The following NIPAL4 variants were observed in gnomAD, a reference collection of about 807,000 sequenced individuals.
NIPAL4 encodes magnesium transporter NIPA4.
Under a neutral mutation model 31.6 loss-of-function variants are expected in NIPAL4, and 21 were observed. The observed-to-expected ratio is 0.67, with a 90% CI of 0.47 to 0.96. The LOEUF (loss-of-function observed/expected upper bound fraction) is 0.96, where lower values mean the gene tolerates loss of function less well. NIPAL4 is among the 40% of genes least tolerant of loss of function. The pLI is 0.00. For missense variants in NIPAL4, 438 were observed against 508.0 expected, an observed-to-expected ratio of 0.86 and a Z score of 1.32; for synonymous variants, 175 against 211.1, an observed-to-expected ratio of 0.83 and a Z score of 1.48.
chr5:157,472,731 T>C lies in NIPAL4; in HGVS notation c.986T>C (p.Leu329Pro). ...TCTGCTGTGGACATTGCAGGCACCC[T>C]CTCGGGCTTTGTCACCATCATCTTG... ...SMSAVDIAGT[L>P]SGFVTIILGV... is the part of the protein sequence containing the mutation. The change falls in exon 6 of 6, where the codon CTC (leucine) becomes CCC (proline). Residue 329 changes from leucine to proline, a missense_variant. Transcript: ENST00000311946. 1 of 1,613,892 alleles carries C rather than the reference T, an allele frequency of 6.2e-7. No homozygotes were observed. The highest frequency in any genetic ancestry group is 2.2e-5 in the East Asian group (1 of 44,874).
chr5:157,468,474 A>G (rs1285150863), intron 3 of NIPAL4, among the ~76,000 whole-genome samples: 1 of 152,244 alleles, frequency 6.6e-6, no homozygotes, highest in Non-Finnish European at 1.5e-5. Flanking sequence ...GAGGGCTTCT[A>G]CACCATAAGC....
At chr5:157,463,576 C>G (rs1478574725) in intron 2 of NIPAL4, among the ~76,000 whole-genome samples, 1 of 152,194 alleles carries the variant, frequency 6.6e-6, no homozygotes, top group African/African-American at 2.4e-5. Flanking sequence ...CTGAGACCTT[C>G]ATGATGTGTT....
intron 2 of NIPAL4, among the ~76,000 whole-genome samples, chr5:157,466,367 G>A (rs1435803390): frequency 6.6e-6 from 1 of 152,192 alleles, no homozygotes; most frequent in South Asian, 2.1e-4. Context: ...AAGGATTCTG[G>A]TCTTTATCCT....
chr5:157,467,342 G>C, intron 3 of NIPAL4: 1 of 471,836 alleles, frequency 2.1e-6, no homozygotes, highest in South Asian at 2.1e-5. Context: ...AACCATGAAG[G>C]TGTATTTTCT....
chr5:157,464,079 G>A (rs1414153410), intron 2 of NIPAL4, among the ~76,000 whole-genome samples: 1 of 152,024 alleles, frequency 6.6e-6, no homozygotes, highest in South Asian at 2.1e-4. Flanking sequence ...ATTTTGGAGG[G>A]GTGTGTAAAG....
At position 157,471,637 on chromosome 5, in the gene NIPAL4, T is replaced by A; in HGVS notation, c.426-20T>A. ...ACAGGCATGGCTGCTCTAATCCCCTTCTCCCATTTCCACGTGCAGTGCCAT... is the reference window on the plus strand; with the variant it reads ...ACAGGCATGGCTGCTCTAATCCCCTACTCCCATTTCCACGTGCAGTGCCAT... On this transcript the variant is annotated intron_variant, in intron 4 of 5. Transcript: ENST00000311946. 6.3e-7 allele frequency: 1 copy of A among 1,592,280 alleles called. No individual in the cohort carries two copies.
intron 2 of NIPAL4, among the ~76,000 whole-genome samples, chr5:157,466,577 G>A (rs182395397): frequency 4.1e-4 from 63 of 152,334 alleles, no homozygotes; most frequent in South Asian, 3.3e-3. Context: ...GGTGGCAGCG[G>A]AGTGGACACA....
Position 157,471,758 on chromosome 5 carries a change from C to T in NIPAL4, c.527C>T (p.Ala176Val), listed in dbSNP as rs964360639. 1.1e-5 allele frequency: 17 copies of T among 1,603,218 alleles called. No homozygotes were observed. The highest frequency in any genetic ancestry group is 1.4e-5 in the Non-Finnish European group (17 of 1,174,614). Residue 176 changes from alanine (A) to valine (V), a missense_variant, in exon 5 of 6, where the codon GCT (alanine) becomes GTT (valine). Physicochemically the swap from Ala to Val is moderately conservative, Grantham distance 64. Coordinates refer to ENST00000311946, the MANE Select transcript of NIPAL4 (RefSeq NM_001099287.2). ...GGAAGCACAGTGATGGTGATACATG[C>T]TCCTGAGGAAGAGAAGGTCACTACC... ...VAGSTVMVIH[A>V]PEEEKVTTIM... is the part of the protein sequence containing the mutation.
rs1754450770 is a variant in NIPAL4, at chr5:157,471,874, AC to A, written c.586+61del. 4.3e-6 allele frequency: 6 copies of A among 1,380,398 alleles called. No individual in the cohort carries two copies. In the Admixed American group the frequency reaches 1.2e-4, roughly 27 times the overall value. The allele number at this position is 1,380,398 out of a possible 1,614,324, so 85.5% of individuals were successfully genotyped here. ...TACTGGAGGTTGAACACCCCCTACT[AC>A]CCCACAAAAGGTCAGGTTGGGTTCT... On this transcript the variant is annotated intron_variant, in intron 5 of 5. Transcript: ENST00000311946.
At chr5:157,461,442 T>C (rs921798392) in intron 1 of NIPAL4, among the ~76,000 whole-genome samples, 3 of 152,182 alleles carry the variant, frequency 2.0e-5, no homozygotes, top group Non-Finnish European at 1.5e-5. Flanking sequence ...GTTCGTTGGC[T>C]CCATCTGCTA....
intron 2 of NIPAL4, among the ~76,000 whole-genome samples, chr5:157,464,522 C>T (rs576102012): frequency 7.2e-5 from 11 of 151,764 alleles, no homozygotes; most frequent in African/African-American, 1.7e-4. Flanking sequence ...GCCCGGGAGA[C>T]GGAAATGGGA....
At position 157,460,221 on chromosome 5, in the gene NIPAL4, G is replaced by A. The variant is rs769305517; in HGVS notation, c.-100G>A. Reference sequence around the variant, plus strand: ...TGGGTCCGGACCCCGGCGGCTTCTCGCGCGCGAGCCACGCGGGGGACAAGT... The same window carrying A: ...TGGGTCCGGACCCCGGCGGCTTCTCACGCGCGAGCCACGCGGGGGACAAGT... On this transcript the variant is annotated 5_prime_UTR_variant, in exon 1 of 6. Transcript: ENST00000311946. 9 of 1,492,960 alleles carry A rather than the reference G, an allele frequency of 6.0e-6. 1 individual carries two copies. In the South Asian group the frequency reaches 1.2e-4, roughly 20 times the overall value. 92.5% of individuals were successfully genotyped at this position (1,492,960 alleles called of 1,614,324 possible).
Position 157,460,236 on chromosome 5 carries a change from G to T in NIPAL4, c.-85G>T. The T allele has an allele frequency of 6.6e-7, 1 of 1,517,446 alleles. No individual in the cohort carries two copies. The allele number at this position is 1,517,446 out of a possible 1,614,324, so 94.0% of individuals were successfully genotyped here. A position where few individuals can be genotyped will look rare whatever the true frequency, so the allele number is the denominator to read the frequency against. On this transcript the variant is annotated 5_prime_UTR_variant, in exon 1 of 6. Transcript: ENST00000311946. ...GCGGCTTCTCGCGCGCGAGCCACGC[G>T]GGGGACAAGTCGCGGCCACCTGCTC...
At chr5:157,469,465 C>A (rs575933618) in intron 4 of NIPAL4, among the ~76,000 whole-genome samples, 4 of 152,196 alleles carry the variant, frequency 2.6e-5, no homozygotes, top group Non-Finnish European at 5.9e-5. Context: ...AGAGGTTAAG[C>A]AACTTGGCCA....
At position 157,468,774 on chromosome 5, in the gene NIPAL4, A is replaced by G. The variant is rs1454828465; in HGVS notation, c.387A>G (p.Thr129=). The G allele has an allele frequency of 3.1e-6, 5 of 1,611,476 alleles. No homozygotes were observed. The highest frequency in any genetic ancestry group is 4.2e-6 in the Non-Finnish European group (5 of 1,178,354). ...NFGAYAFAPA[T]VVTPLGALSV... ...GAGCCTACGCATTTGCACCTGCAAC[A>G]GTCGTCACGCCTCTGGGAGCGCTGA... Residue 129 remains threonine (T), a synonymous_variant, in exon 4 of 6, where the codon ACA becomes ACG. Transcript: ENST00000311946.
rs372279928 is a variant in NIPAL4, at chr5:157,472,524, G to A, written c.779G>A (p.Arg260Gln). Residue 260 changes from arginine to glutamine, a missense_variant, in exon 6 of 6, where the codon CGG becomes CAG. Transcript: ENST00000311946. ...KNFFQGLPVVRHPLPYILSLI... is the reference protein window; with the variant it reads ...KNFFQGLPVVQHPLPYILSLI... ...TTCTTCCAGGGGCTGCCAGTTGTCC[G>A]GCACCCGCTCCCCTACATCCTGTCC... 113 of 1,613,646 alleles carry A rather than the reference G, an allele frequency of 7.0e-5. No homozygotes were observed. The highest frequency in any genetic ancestry group is 8.6e-5 in the Non-Finnish European group (102 of 1,179,862).
intron 1 of NIPAL4, 25 bp from the exon 2 acceptor site, chr5:157,463,069 C>A: frequency 6.2e-7 from 1 of 1,612,888 alleles, no homozygotes; most frequent in Non-Finnish European, 8.5e-7. Flanking sequence ...CAGTGTGACT[C>A]TCTCACTGTG....
At chr5:157,471,264 G>T (rs1754424011) in intron 4 of NIPAL4, among the ~76,000 whole-genome samples, 1 of 152,166 alleles carries the variant, frequency 6.6e-6, no homozygotes, top group Non-Finnish European at 1.5e-5. Flanking sequence ...GCCTCAGCTA[G>T]GGATGCTGTG....
intron 2 of NIPAL4, among the ~76,000 whole-genome samples, chr5:157,464,394 G>A (rs115507081): frequency 1.5e-3 from 227 of 152,286 alleles, no homozygotes; most frequent in African/African-American, 5.1e-3. Flanking sequence ...TTAGGAAGGC[G>A]AGTGACACAG....
Sources: allele counts gnomAD v4.1 joint callset (sites outside exome capture counted in the v4.1 genomes callset), GRCh38; gene constraint gnomAD v4.1.1; transcripts MANE v1.5; gene names NCBI Gene and HGNC (gene_info 2026-07-23, HGNC 2026-07-21).